AKT1S1: variants seen among roughly 807,000 people sequenced by gnomAD.
AKT1S1 encodes the protein AKT1 substrate 1.
A neutral mutation model predicts 21.2 loss-of-function variants in AKT1S1; 17 were observed. The ratio of observed to expected loss-of-function variants is 0.80; its 90% CI spans 0.55 to 1.20. AKT1S1 has a LOEUF of 1.20. AKT1S1 is among the 50% of genes most tolerant of loss of function. The probability of loss-of-function intolerance (pLI) is 0.00; values close to 1 mark genes in which losing one functional copy is unlikely to be tolerated. For missense variants in AKT1S1, 366 were observed against 368.3 expected (o/e 0.99, Z 0.05); for synonymous variants, 181 against 165.6 (o/e 1.09, Z -0.72).
intron 1 of AKT1S1, chr19:49,874,407 T>C (rs2074918549): frequency 6.6e-6 from 1 of 152,240 alleles, no homozygotes; most frequent in Non-Finnish European, 1.5e-5. Flanking sequence ...TCCTCTGTTG[T>C]CCCTGATCCC....
At position 49,869,272 on chromosome 19, in the gene AKT1S1, G is replaced by C. The variant is rs1157975915; in HGVS notation, c.*645C>G. Reference sequence around the variant, plus strand: ...TTGGCAGGCTGTTGTGGGGATGGATGGAACCAATGAAAGGGGGTGCCAGAG... The same window carrying C: ...TTGGCAGGCTGTTGTGGGGATGGATCGAACCAATGAAAGGGGGTGCCAGAG... On this transcript the variant is annotated 3_prime_UTR_variant, in exon 5 of 5. Transcript: ENST00000344175. The C allele has an allele frequency of 6.5e-6, 1 of 152,754 alleles. No individual in the cohort carries two copies. The highest frequency in any genetic ancestry group is 2.4e-5 in the African/African-American group (1 of 41,460). The allele number at this position is 152,754 out of a possible 1,614,324, so 9.5% of individuals were successfully genotyped here.
chr19:49,876,669 G>A (rs765139198), intron 1 of AKT1S1: 22 of 1,485,772 alleles, frequency 1.5e-5, no homozygotes, highest in Admixed American at 2.3e-5. Flanking sequence ...GGCGCCTTGC[G>A]TCACGTCCGC....
intron 1 of AKT1S1, chr19:49,876,748 GCCA>G: frequency 7.4e-7 from 1 of 1,356,446 alleles, no homozygotes; most frequent in African/African-American, 1.5e-5. Flanking sequence ...CAAGATGGCG[GCCA>G]CAGGGGCTTC....
Position 49,870,675 on chromosome 19 carries a change from C to T in AKT1S1, c.628-615G>A, listed in dbSNP as rs375233727. ...ACCCGGAGCTGGGCCTGTCCCCTCGCAGGATGGGACCCGGAGACCCAGATC... is the reference window on the plus strand; with the variant it reads ...ACCCGGAGCTGGGCCTGTCCCCTCGTAGGATGGGACCCGGAGACCCAGATC... On this transcript the variant is annotated intron_variant, in intron 4 of 4. Coordinates refer to ENST00000344175, the MANE Select transcript of AKT1S1 (RefSeq NM_001098633.4). 1.1e-4 allele frequency among the ~76,000 whole-genome samples: 16 copies of T among 152,322 alleles called. 2 individuals carry two copies. Among genetic ancestry groups the T allele is most frequent in the Admixed American group, 9.2e-4 (14 of 15,298 alleles).
intron 1 of AKT1S1, chr19:49,874,094 C>G (rs2074915807): frequency 6.6e-6 from 1 of 152,468 alleles, no homozygotes; most frequent in South Asian, 2.1e-4. Context: ...CTTCCAGAGC[C>G]TCTGAGGCCC....
intron 3 of AKT1S1, 27 bp from the exon 4 acceptor site, chr19:49,871,743 C>T (rs1450471894): frequency 6.2e-7 from 1 of 1,610,714 alleles, no homozygotes; most frequent in Non-Finnish European, 8.5e-7. Context: ...ACTTCAGCTT[C>T]TGTCCCTGCC....
At position 49,870,007 on chromosome 19, in the gene AKT1S1, C is replaced by A. The variant is rs1316254401; in HGVS notation, c.681G>T (p.Leu227=). The A allele has an allele frequency of 4.5e-6, 7 of 1,548,468 alleles. No individual in the cohort carries two copies. The Admixed American group carries it at 5.6e-5, about 12-fold the overall frequency. The stretch of plus-strand genomic sequence containing the variant: ...AGACCTGGGTGTCCTCGGCCTCTCG[C>A]AGCACCAGCGCGCGCATGCTCGCCG... The part of the protein sequence containing the change: ...RIAASMRALV[L]REAEDTQVFG... Residue 227 remains leucine, a synonymous_variant, in exon 5 of 5, where the codon CTG becomes CTT. Transcript: ENST00000344175.
intron 1 of AKT1S1, chr19:49,875,944 G>A (rs1185933756): frequency 2.0e-6 from 2 of 985,306 alleles, no homozygotes; most frequent in African/African-American, 1.7e-5. Flanking sequence ...CGCCCCGATA[G>A]ACGAGTTTCG....
chr19:49,876,578 G>A (rs1181022552), intron 1 of AKT1S1: 5 of 1,496,018 alleles, frequency 3.3e-6, no homozygotes, highest in South Asian at 2.6e-5. Flanking sequence ...CCCACACCGC[G>A]GTTAACAACG....
intron 4 of AKT1S1, among the ~76,000 whole-genome samples, chr19:49,871,269 G>A (rs191603358): frequency 2.3e-4 from 35 of 152,328 alleles, no homozygotes; most frequent in Admixed American, 2.3e-3. Flanking sequence ...CCACTGGAGG[G>A]CATGCCAAAA....
At position 49,869,790 on chromosome 19, in the gene AKT1S1, A is replaced by G. The variant is rs1016575062; in HGVS notation, c.*127T>C. 9.1e-7 allele frequency: 1 copy of G among 1,103,984 alleles called. No homozygotes were observed. Among genetic ancestry groups the G allele is most frequent in the Non-Finnish European group, 1.2e-6 (1 of 832,972 alleles). 68.4% of individuals were successfully genotyped at this position (1,103,984 alleles called of 1,614,324 possible). On this transcript the variant is annotated 3_prime_UTR_variant, in exon 5 of 5. Coordinates refer to ENST00000344175, the MANE Select transcript of AKT1S1 (RefSeq NM_001098633.4). ...GGCGGGGATTGGCAGAGGCGGGACA[A>G]TCTTGGGAATGGGAGACGCAAGGAG...
rs1191759489 is a variant in AKT1S1, at chr19:49,869,681, G to C, written c.*236C>G. 2 of 431,606 alleles carry C rather than the reference G, an allele frequency of 4.6e-6. No individual in the cohort carries two copies. The highest frequency in any genetic ancestry group is 5.3e-5 in the South Asian group (1 of 18,732). The allele number at this position is 431,606 out of a possible 1,614,324, so 26.7% of individuals were successfully genotyped here. On this transcript the variant is annotated 3_prime_UTR_variant, in exon 5 of 5. Transcript: ENST00000344175. ...AATCCCTTAATAGAAGGAATCTGTCGCTAGGCGGAGAGAGACGACAGACCC... is the reference window on the plus strand; with the variant it reads ...AATCCCTTAATAGAAGGAATCTGTCCCTAGGCGGAGAGAGACGACAGACCC...
Position 49,873,425 on chromosome 19 carries a change from G to A in AKT1S1, c.-7-123C>T. The stretch of plus-strand genomic sequence containing the variant: ...ACCCTCCACCCACCTTGTCCCAGCG[G>A]TGCTGTGTGTCCTCCCCAAACCTGC... On this transcript the variant is annotated intron_variant, in intron 1 of 4. Coordinates refer to ENST00000344175, the MANE Select transcript of AKT1S1 (RefSeq NM_001098633.4). The surrounding 1 kb of genome is among the most constrained non-coding windows in gnomAD (Gnocchi z 6.9). 2 of 1,357,722 alleles carry A rather than the reference G, an allele frequency of 1.5e-6. No homozygotes were observed. Among genetic ancestry groups the A allele is most frequent in the Non-Finnish European group, 9.4e-7 (1 of 1,059,898 alleles). The allele number at this position is 1,357,722 out of a possible 1,614,324, so 84.1% of individuals were successfully genotyped here.
rs149454204 is a variant in AKT1S1, at chr19:49,872,948, G to A, written c.348C>T (p.Ser116=). 1.3e-3 allele frequency: 2,026 copies of A among 1,594,832 alleles called. 20 individuals carry two copies. In the African/African-American group the frequency reaches 0.02, roughly 16 times the overall value. ...DEDEPTETET[S]GEQLGISDNG... ...TATCACTAATGCCCAGCTGCTCCCC[G>A]GAGGTCTCTGTCTCTGTGGGCTCAT... Residue 116 remains serine, a synonymous_variant, in exon 2 of 5, where the codon TCC becomes TCT. Transcript: ENST00000344175.
intron 2 of AKT1S1, 96 bp downstream of exon 2, chr19:49,872,821 G>T: frequency 1.4e-6 from 2 of 1,399,914 alleles, no homozygotes; most frequent in Non-Finnish European, 1.9e-6. Context: ...CACTTCTGTA[G>T]AAGTACTCTG....
At chr19:49,875,760 G>A (rs1307358606) in intron 1 of AKT1S1, 1 of 773,964 alleles carries the variant, frequency 1.3e-6, no homozygotes, top group Middle Eastern at 6.7e-4. Flanking sequence ...CCCAACTCAG[G>A]AGACATGAGC....
Position 49,869,810 on chromosome 19 carries a change from A to G in AKT1S1, c.*107T>C. On this transcript the variant is annotated 3_prime_UTR_variant, in exon 5 of 5. Coordinates refer to ENST00000344175, the MANE Select transcript of AKT1S1 (RefSeq NM_001098633.4). Reference sequence around the variant, plus strand: ...GGACAATCTTGGGAATGGGAGACGCAAGGAGGCCGGTCCCGGATCGGCCTC... The same window carrying G: ...GGACAATCTTGGGAATGGGAGACGCGAGGAGGCCGGTCCCGGATCGGCCTC... 1 of 1,204,716 alleles carries G rather than the reference A, an allele frequency of 8.3e-7. No individual in the cohort carries two copies. Among genetic ancestry groups the G allele is most frequent in the Non-Finnish European group, 1.1e-6 (1 of 923,438 alleles). 74.6% of individuals were successfully genotyped at this position (1,204,716 alleles called of 1,614,324 possible). A position where few individuals can be genotyped will look rare whatever the true frequency, so the allele number is the denominator to read the frequency against.
chr19:49,873,423 C>A lies in AKT1S1; in HGVS notation c.-7-121G>T. ...CCACCCTCCACCCACCTTGTCCCAGCGGTGCTGTGTGTCCTCCCCAAACCT... is the reference window on the plus strand; with the variant it reads ...CCACCCTCCACCCACCTTGTCCCAGAGGTGCTGTGTGTCCTCCCCAAACCT... On this transcript the variant is annotated intron_variant, in intron 1 of 4. Transcript: ENST00000344175. The surrounding 1 kb of genome is among the most constrained non-coding windows in gnomAD (Gnocchi z 6.9). 2.9e-6 allele frequency: 4 copies of A among 1,359,000 alleles called. No homozygotes were observed. The highest frequency in any genetic ancestry group is 3.3e-5 in the South Asian group (2 of 59,714). 84.2% of individuals were successfully genotyped at this position (1,359,000 alleles called of 1,614,324 possible). A position where few individuals can be genotyped will look rare whatever the true frequency, so the allele number is the denominator to read the frequency against.
chr19:49,876,164 TG>T, intron 1 of AKT1S1: 4 of 1,002,610 alleles, frequency 4.0e-6, no homozygotes, highest in Non-Finnish European at 4.8e-6. Flanking sequence ...GGTGAGCGCC[TG>T]GGGCCACGCT....
Sources: allele counts gnomAD v4.1 joint callset (sites outside exome capture counted in the v4.1 genomes callset), GRCh38; gene constraint gnomAD v4.1.1; non-coding constraint Gnocchi (gnomAD v3.1); transcripts MANE v1.5; gene names NCBI Gene and HGNC (gene_info 2026-07-23, HGNC 2026-07-21).